The following MMS19 variants were observed in gnomAD, a reference collection of about 807,000 sequenced individuals.
MMS19 encodes MMS19 nucleotide excision repair protein homolog.
Under a neutral mutation model 129.8 loss-of-function variants are expected in MMS19, and 77 were observed. The ratio of observed to expected loss-of-function variants is 0.59; its 90% CI spans 0.49 to 0.72. MMS19 has a LOEUF of 0.72. Among genes scored for constraint, MMS19 ranks in the 30% least tolerant of loss-of-function variants. The pLI is 0.00. For missense variants in MMS19, 1,168 were observed against 1,266.3 expected, an observed-to-expected ratio of 0.92 and a Z score of 1.18; for synonymous variants, 491 against 502.8, an observed-to-expected ratio of 0.98 and a Z score of 0.31.
chr10:97,478,826 ATG>A (rs2135417511), intron 3 of MMS19, among the ~76,000 whole-genome samples: 1 of 152,308 alleles, frequency 6.6e-6, no homozygotes, highest in East Asian at 1.9e-4. Flanking sequence ...CAGGTGTATG[ATG>A]TGTTTTTTTT....
chr10:97,461,218 T>C (rs1429630821), intron 23 of MMS19: 2 of 606,644 alleles, frequency 3.3e-6, no homozygotes, highest in Non-Finnish European at 2.9e-6. Context: ...GAGGGTCATC[T>C]ACTTCCAATA....
chr10:97,469,841 A>AT lies in MMS19; in HGVS notation c.847-119dup, dbSNP rs1162158946. The AT allele has an allele frequency of 3.7e-6, 3 of 809,226 alleles. No individual in the cohort carries two copies. In the East Asian group the frequency reaches 7.7e-5, roughly 21 times the overall value. 50.1% of individuals were successfully genotyped at this position (809,226 alleles called of 1,614,324 possible). On this transcript the variant is annotated intron_variant, in intron 10 of 30. Coordinates refer to ENST00000438925, the MANE Select transcript of MMS19 (RefSeq NM_022362.5). The stretch of plus-strand genomic sequence containing the variant: ...GGTCTCAGCAGAAAAACCAGTTAAG[A>AT]TTTTTAACAGTCCTACTAAGGGAAC...
chr10:97,464,578 C>T (rs2032939646), intron 18 of MMS19, among the ~76,000 whole-genome samples: 1 of 152,198 alleles, frequency 6.6e-6, no homozygotes. Flanking sequence ...TTCTGCACTT[C>T]TAACAAGCTC....
In MMS19 at chr10:97,460,644, C is replaced by T; in HGVS notation, c.2469+51G>A. The T allele has an allele frequency of 2.0e-6, 3 of 1,469,458 alleles. 1 individual carries two copies. The highest frequency in any genetic ancestry group is 2.4e-5 in the East Asian group (1 of 41,262). 91.0% of individuals were successfully genotyped at this position (1,469,458 alleles called of 1,614,324 possible). A position where few individuals can be genotyped will look rare whatever the true frequency, so the allele number is the denominator to read the frequency against. On this transcript the variant is annotated intron_variant, in intron 25 of 30. Transcript: ENST00000438925. ...AAGTCCTTGGGAGGAATAGGAGCAA[C>T]CAGAAAGTTTGTTTAGGTCCTGGGT...
At chr10:97,483,828 G>A (rs924793648) in intron 2 of MMS19, among the ~76,000 whole-genome samples, 2 of 152,234 alleles carry the variant, frequency 1.3e-5, no homozygotes, top group African/African-American at 2.4e-5. Context: ...CTTCAACCAC[G>A]TACCTCATCC....
At chr10:97,473,552 AGGGAATCT>A (rs2135367235) in intron 8 of MMS19, among the ~76,000 whole-genome samples, 1 of 151,702 alleles carries the variant, frequency 6.6e-6, no homozygotes, top group South Asian at 2.1e-4. Context: ...AAAAAGGATA[AGGGAATCT>A]AGGATGACGG....
At chr10:97,465,679 A>ATTT in intron 18 of MMS19, 126 bp downstream of exon 18, 3 of 860,420 alleles carry the variant, frequency 3.5e-6, no homozygotes, top group Non-Finnish European at 5.2e-6. Context: ...AGGCATCAGT[A>ATTT]TTTTTTTTTT....
intron 2 of MMS19, among the ~76,000 whole-genome samples, chr10:97,483,059 C>G (rs1417243508): frequency 6.6e-6 from 1 of 151,954 alleles, no homozygotes; most frequent in Admixed American, 6.6e-5. Flanking sequence ...CGCACCTGGC[C>G]TATATATATT....
chr10:97,476,750 G>A lies in MMS19; in HGVS notation c.623-6C>T, dbSNP rs753564529. On this transcript the variant is annotated splice_polypyrimidine_tract_variant and splice_region_variant and intron_variant, in intron 7 of 30. Transcript: ENST00000438925. ...CAACTCCTCCACAAAGGGTCCTGTG[G>A]CAACAGAGAAAAAATGAGGTTGGTT... 42 of 1,613,806 alleles carry A rather than the reference G, an allele frequency of 2.6e-5. No individual in the cohort carries two copies. Among genetic ancestry groups the A allele is most frequent in the Non-Finnish European group, 3.6e-5 (42 of 1,179,816 alleles).
chr10:97,478,765 C>T (rs951581992), intron 3 of MMS19, among the ~76,000 whole-genome samples: 1 of 151,798 alleles, frequency 6.6e-6, no homozygotes, highest in Non-Finnish European at 1.5e-5. Flanking sequence ...GTAGCATAGA[C>T]AACAGGGAAA....
At chr10:97,487,013 A>G (rs547959905) in intron 1 of MMS19, among the ~76,000 whole-genome samples, 6 of 151,204 alleles carry the variant, frequency 4.0e-5, no homozygotes, top group African/African-American at 1.2e-4. Context: ...TTTCAACAAA[A>G]AAAAGAAAAA....
chr10:97,498,245 G>C (rs1191440224), intron 1 of MMS19, 28 bp downstream of exon 1: 14 of 1,530,974 alleles, frequency 9.1e-6, no homozygotes, highest in Non-Finnish European at 1.1e-5. Context: ...GCCCCCATGC[G>C]GAAGGCGCGC....
intron 25 of MMS19, 189 bp from the exon 26 acceptor site, chr10:97,460,421 A>G: frequency 3.2e-6 from 2 of 628,366 alleles, no homozygotes; most frequent in East Asian, 2.8e-5. Flanking sequence ...AAATACAAAC[A>G]TTAGTTGGGT....
chr10:97,487,308 G>A (rs1349332881), intron 1 of MMS19, among the ~76,000 whole-genome samples: 2 of 140,922 alleles, frequency 1.4e-5, no homozygotes, highest in African/African-American at 5.3e-5. Context: ...TTTTAAATAT[G>A]AGAAAATTTC....
At chr10:97,481,779 G>C (rs894724323) in intron 2 of MMS19, among the ~76,000 whole-genome samples, 2 of 152,062 alleles carry the variant, frequency 1.3e-5, no homozygotes, top group African/African-American at 4.8e-5. Flanking sequence ...AACCTCAAGG[G>C]TAAGAGTGTA....
intron 1 of MMS19, among the ~76,000 whole-genome samples, chr10:97,495,845 G>C (rs781503643): frequency 6.6e-6 from 1 of 152,200 alleles, no homozygotes; most frequent in Non-Finnish European, 1.5e-5. Flanking sequence ...GCAGGGGCGC[G>C]ATCTCCGCTC....
chr10:97,480,477 C>T (rs1429595942), intron 3 of MMS19: 11 of 366,130 alleles, frequency 3.0e-5, no homozygotes, highest in African/African-American at 1.3e-4. Flanking sequence ...CAAAGCATGC[C>T]GATATTTCAT....
At position 97,460,050 on chromosome 10, in the gene MMS19, G is replaced by C; in HGVS notation, c.2652C>G (p.Pro884=). The C allele has an allele frequency of 1.2e-6, 2 of 1,613,286 alleles. No individual in the cohort carries two copies. Among genetic ancestry groups the C allele is most frequent in the Non-Finnish European group, 1.7e-6 (2 of 1,179,334 alleles). The stretch of plus-strand genomic sequence containing the variant: ...ACCTTCTTTCAGACTCCTCACCTTG[G>C]GGAGCAGCATGGAAGCCCTGGACCA... ...PALVQGFHAA[P]QDVKPNYLKG... is the part of the protein sequence containing the mutation. The change falls in exon 26 of 31, where the codon CCC becomes CCG. Residue 884 remains proline (P), a synonymous_variant. Transcript: ENST00000438925.
At chr10:97,475,701 C>T (rs1055597005) in intron 8 of MMS19, among the ~76,000 whole-genome samples, 27 of 152,176 alleles carry the variant, frequency 1.8e-4, no homozygotes, top group Non-Finnish European at 3.7e-4. Flanking sequence ...CGCACCACTG[C>T]ACTCCAGCCT....
Sources: allele counts gnomAD v4.1 joint callset (sites outside exome capture counted in the v4.1 genomes callset), GRCh38; gene constraint gnomAD v4.1.1; transcripts MANE v1.5; gene names NCBI Gene and HGNC (gene_info 2026-07-23, HGNC 2026-07-21).